VNN1: variants seen among roughly 807,000 people sequenced by gnomAD.
VNN1 encodes pantetheinase.
In VNN1, 29 loss-of-function variants were observed where a neutral mutation model predicts 41.9. The ratio of observed to expected loss-of-function variants is 0.69; its 90% CI spans 0.52 to 0.94. The LOEUF is 0.94. Among genes scored for constraint, VNN1 ranks in the 40% least tolerant of loss-of-function variants. The pLI is 0.00. For missense variants in VNN1, 637 were observed against 621.1 expected (o/e 1.03, Z -0.27); for synonymous variants, 233 against 224.4 (o/e 1.04, Z -0.34).
intron 2 of VNN1, among the ~76,000 whole-genome samples, chr6:132,701,327 C>A (rs1309647080): frequency 6.6e-6 from 1 of 151,996 alleles, no homozygotes. Context: ...TTCTTGGCAC[C>A]CTCAAGGCAA....
Position 132,694,197 on chromosome 6 carries a change from T to C in VNN1, c.342-15A>G. On this transcript the variant is annotated splice_polypyrimidine_tract_variant and intron_variant, in intron 2 of 6. Transcript: ENST00000367928. Reference sequence around the variant, plus strand: ...TCTGGCCAAATCTGATACATGTTTATTGGAGGAAAAAAATCTTTGTAAATC... The same window carrying C: ...TCTGGCCAAATCTGATACATGTTTACTGGAGGAAAAAAATCTTTGTAAATC... The C allele has an allele frequency of 6.4e-7, 1 of 1,551,642 alleles. No individual in the cohort carries two copies. Among genetic ancestry groups the C allele is most frequent in the Non-Finnish European group, 8.7e-7 (1 of 1,150,956 alleles).
chr6:132,684,600 A>G, intron 5 of VNN1, 95 bp from the exon 6 acceptor site: 1 of 1,191,652 alleles, frequency 8.4e-7, no homozygotes, highest in Non-Finnish European at 1.2e-6. Flanking sequence ...TACACATATC[A>G]AAACGTCACA....
chr6:132,704,274 A>C lies in VNN1; in HGVS notation c.341+7435T>G, dbSNP rs557205063. Among the ~76,000 whole-genome samples the C allele has an allele frequency of 2.6e-5, 4 of 152,288 alleles. No individual in the cohort carries two copies. The South Asian group carries it at 8.3e-4, about 32-fold the overall frequency. ...CAGAATAAACATTCTTCTCCCCAGC[A>C]CATGGATCATTCTCAAGGAGAGACC... On this transcript the variant is annotated intron_variant, in intron 2 of 6. Transcript: ENST00000367928.
At chr6:132,692,774 G>A (rs1421166532) in intron 4 of VNN1, among the ~76,000 whole-genome samples, 190 bp from the exon 5 acceptor site, 6 of 151,848 alleles carry the variant, frequency 4.0e-5, no homozygotes, top group Non-Finnish European at 8.8e-5. Flanking sequence ...AAACCAAGAA[G>A]CCAAGAAGGG....
At chr6:132,709,221 T>C (rs1778560480) in intron 2 of VNN1, among the ~76,000 whole-genome samples, 1 of 32,542 alleles carries the variant, frequency 3.1e-5, no homozygotes, top group Non-Finnish European at 4.5e-5. Context: ...AGATAGATGA[T>C]AGATAGATAG....
chr6:132,687,702 G>C (rs1286997863), intron 5 of VNN1, among the ~76,000 whole-genome samples: 1 of 152,170 alleles, frequency 6.6e-6, no homozygotes, highest in Non-Finnish European at 1.5e-5. Flanking sequence ...AATGACTAGA[G>C]GGAAACCAGT....
intron 2 of VNN1, among the ~76,000 whole-genome samples, chr6:132,697,105 A>AAAAAAAT (rs1778385678): frequency 8.4e-6 from 1 of 118,982 alleles, no homozygotes; most frequent in Non-Finnish European, 1.7e-5. Context: ...ACTCTGTCTC[A>AAAAAAAT]AAAAAATAAA....
intron 2 of VNN1, among the ~76,000 whole-genome samples, chr6:132,700,404 G>A (rs937413010): frequency 6.6e-6 from 1 of 152,180 alleles, no homozygotes; most frequent in African/African-American, 2.4e-5. Context: ...TGACAAGGAT[G>A]GGACAATGGC....
chr6:132,681,283 GA>G lies in VNN1; in HGVS notation c.*1856del, dbSNP rs1173863418. 2.0e-5 allele frequency among the ~76,000 whole-genome samples: 3 copies of G among 152,158 alleles called. No homozygotes were observed. The highest frequency in any genetic ancestry group is 7.2e-5 in the African/African-American group (3 of 41,432). On this transcript the variant is annotated 3_prime_UTR_variant, in exon 7 of 7. Transcript: ENST00000367928. ...TAGGAGAAGCCAGATGACATTTTAT[GA>G]AAGTTTTTCTAGCATCCTAAAGAAT... is the stretch of plus-strand genomic sequence containing the variant.
At chr6:132,696,060 A>G (rs868478909) in intron 2 of VNN1, among the ~76,000 whole-genome samples, 7 of 152,206 alleles carry the variant, frequency 4.6e-5, no homozygotes, top group South Asian at 4.1e-4. Flanking sequence ...CTTTAAAACA[A>G]TGGTTTTACA....
At chr6:132,689,876 A>T (rs955873074) in intron 5 of VNN1, among the ~76,000 whole-genome samples, 3 of 152,088 alleles carry the variant, frequency 2.0e-5, no homozygotes, top group African/African-American at 7.2e-5. Context: ...CACATCTATA[A>T]CTGAACTCAG....
rs45472892 is a variant in VNN1, at chr6:132,681,043, A to C, written c.*2097T>G. Among the ~76,000 whole-genome samples the C allele has an allele frequency of 1.3e-5, 2 of 152,128 alleles. No homozygotes were observed. The highest frequency in any genetic ancestry group is 4.8e-5 in the African/African-American group (2 of 41,402). ...ATAAATATAAATACATATATTCACT[A>C]TGATAGCATCCAAAATGGCCCCCAT... On this transcript the variant is annotated 3_prime_UTR_variant, in exon 7 of 7. Transcript: ENST00000367928.
intron 2 of VNN1, among the ~76,000 whole-genome samples, chr6:132,700,837 T>C (rs1353831528): frequency 6.6e-6 from 1 of 152,234 alleles, no homozygotes; most frequent in Non-Finnish European, 1.5e-5. Flanking sequence ...TGGGTTTTTT[T>C]CTGTTTGTTT....
At position 132,694,176 on chromosome 6, in the gene VNN1, G is replaced by T. The variant is rs1368949712; in HGVS notation, c.348C>A (p.Gly116=). The change falls in exon 3 of 7, where the codon GGC becomes GGA. Residue 116 remains glycine, a synonymous_variant. Coordinates refer to ENST00000367928, the MANE Select transcript of VNN1 (RefSeq NM_004666.3). ...TGAGTCTTTCTTGTACTGGGGTCTG[G>T]CCAAATCTGATACATGTTTATTGGA... ...WIPCNNRNRF[G]QTPVQERLSC... 5.1e-6 allele frequency: 8 copies of T among 1,582,944 alleles called. No homozygotes were observed. Among genetic ancestry groups the T allele is most frequent in the Non-Finnish European group, 6.9e-6 (8 of 1,166,370 alleles).
In VNN1 at chr6:132,683,293, C is replaced by T. The variant is rs1245930826; in HGVS notation, c.1389G>A (p.Leu463=). ...QVSTDGRLFS[L]KPTSGPVLTV... ...TTAAGACAGGTCCGGATGTTGGCTT[C>T]AGACTAAACAAGCGTCCGTCAGTTG... is the stretch of plus-strand genomic sequence containing the variant. The change falls in exon 7 of 7, where the codon CTG becomes CTA. Residue 463 remains leucine (L), a synonymous_variant. Transcript: ENST00000367928. 2 of 1,613,682 alleles carry T rather than the reference C, an allele frequency of 1.2e-6. No individual in the cohort carries two copies. Among genetic ancestry groups the T allele is most frequent in the African/African-American group, 2.7e-5 (2 of 74,906 alleles).
At chr6:132,688,851 A>C (rs1204567421) in intron 5 of VNN1, among the ~76,000 whole-genome samples, 1 of 152,068 alleles carries the variant, frequency 6.6e-6, no homozygotes, top group Non-Finnish European at 1.5e-5. Context: ...TCTTTCCTCC[A>C]GCACCTTGGA....
In VNN1 at chr6:132,695,841, AAAAC is replaced by A. The variant is rs372149031; in HGVS notation, c.342-1663_342-1660del. Among the ~76,000 whole-genome samples, 9 of 152,144 alleles carry A rather than the reference AAAAC, an allele frequency of 5.9e-5. No homozygotes were observed. The South Asian group carries it at 6.2e-4, about 10-fold the overall frequency. On this transcript the variant is annotated intron_variant, in intron 2 of 6. Transcript: ENST00000367928. ...CTCAACACAAACATCCTACAACAAC[AAAAC>A]AAACAAACAAACAAACATAGCAAAC...
At chr6:132,685,358 C>T (rs1019910182) in intron 5 of VNN1, among the ~76,000 whole-genome samples, 4 of 152,286 alleles carry the variant, frequency 2.6e-5, no homozygotes, top group African/African-American at 9.6e-5. Context: ...AAGCAGCAGC[C>T]GCTAACTGGT....
intron 2 of VNN1, 138 bp from the exon 3 acceptor site, chr6:132,694,320 G>A (rs1282774819): frequency 2.1e-6 from 2 of 955,612 alleles, no homozygotes; most frequent in East Asian, 5.7e-5. Context: ...TAGAAGAGAA[G>A]TATTAAGACA....
Sources: gnomAD v4.1 joint callset for allele counts (sites outside exome capture counted in the v4.1 genomes callset) on GRCh38, gnomAD v4.1.1 for gene constraint, MANE v1.5 for transcripts, NCBI Gene and HGNC (gene_info 2026-07-23, HGNC 2026-07-21) for gene names.